The following ADAMTS20 variants were observed in gnomAD, a reference collection of about 807,000 sequenced individuals.
The protein encoded by ADAMTS20 is ADAM metallopeptidase with thrombospondin type 1 motif 20, also known as A disintegrin and metalloproteinase with thrombospondin motifs 20.
In ADAMTS20, 225 loss-of-function variants were observed where a neutral mutation model predicts 260.1. That is an observed-to-expected ratio of 0.87 (90% confidence interval 0.78 to 0.97). The LOEUF (loss-of-function observed/expected upper bound fraction) is 0.97, where lower values mean the gene tolerates loss of function less well. Ranked by LOEUF, ADAMTS20 falls within the 50% of genes least tolerant of loss-of-function variation. The pLI, the probability that ADAMTS20 is intolerant of heterozygous loss-of-function variation, is 0.00. For synonymous variants in ADAMTS20, 802 were observed against 769.5 expected, an observed-to-expected ratio of 1.04 and a Z score of -0.70; for missense variants, 2,400 against 2,337.7, an observed-to-expected ratio of 1.03 and a Z score of -0.55.
Position 43,434,253 on chromosome 12 carries a change from A to G in ADAMTS20, c.2712T>C (p.Cys904=), listed in dbSNP as rs769230661. ...SFVTQSCNTD[C]ELRWHVIGKS... is the part of the protein sequence containing the mutation. ...TATTATTTCTCTTTTACCTTAGTTCACAGTCTGTATTGCAACTTTGAGTAA... is the reference window on the plus strand; with the variant it reads ...TATTATTTCTCTTTTACCTTAGTTCGCAGTCTGTATTGCAACTTTGAGTAA... The change falls in exon 19 of 39, where the codon TGT becomes TGC. Residue 904 remains cysteine (C), a synonymous_variant. Coordinates refer to ENST00000389420, the MANE Select transcript of ADAMTS20 (RefSeq NM_025003.5). The G allele has an allele frequency of 7.0e-6, 11 of 1,579,640 alleles. No individual in the cohort carries two copies. Among genetic ancestry groups the G allele is most frequent in the Non-Finnish European group, 9.5e-6 (11 of 1,160,792 alleles).
intron 3 of ADAMTS20, among the ~76,000 whole-genome samples, chr12:43,513,235 T>A (rs552743361): frequency 6.6e-6 from 1 of 152,112 alleles, no homozygotes; most frequent in Non-Finnish European, 1.5e-5. Context: ...AACAAGACAA[T>A]GGAGCACACT....
chr12:43,447,504 G>T (rs568948695), intron 14 of ADAMTS20, among the ~76,000 whole-genome samples: 1 of 152,158 alleles, frequency 6.6e-6, no homozygotes, highest in East Asian at 1.9e-4. Context: ...AAAATAATCA[G>T]AGCGATCTAT....
At chr12:43,520,828 A>G (rs1351401254) in intron 3 of ADAMTS20, among the ~76,000 whole-genome samples, 1 of 152,202 alleles carries the variant, frequency 6.6e-6, no homozygotes, top group East Asian at 1.9e-4. Flanking sequence ...CACATTTATA[A>G]AATGTTATAA....
At chr12:43,478,686 A>G (rs1032046891) in intron 7 of ADAMTS20, among the ~76,000 whole-genome samples, 4 of 152,226 alleles carry the variant, frequency 2.6e-5, no homozygotes, top group African/African-American at 9.6e-5. Flanking sequence ...CTCAATAGCA[A>G]AAGGCAGGCA....
intron 28 of ADAMTS20, among the ~76,000 whole-genome samples, chr12:43,415,500 A>G (rs994440787): frequency 2.0e-5 from 3 of 152,214 alleles, no homozygotes; most frequent in Non-Finnish European, 1.5e-5. Context: ...GAAAAATAAT[A>G]TATACTTACT....
At chr12:43,366,174 G>T (rs945945647) in intron 37 of ADAMTS20, among the ~76,000 whole-genome samples, 2 of 151,880 alleles carry the variant, frequency 1.3e-5, no homozygotes, top group Admixed American at 1.3e-4. Context: ...AATTCTAACA[G>T]AGCTGGAGTG....
intron 7 of ADAMTS20, among the ~76,000 whole-genome samples, chr12:43,483,573 C>G (rs1208240761): frequency 3.3e-5 from 5 of 152,278 alleles, no homozygotes; most frequent in African/African-American, 1.2e-4. Flanking sequence ...AGAGTCACAA[C>G]CCCTCTCTAA....
At chr12:43,375,087 G>A (rs758766835) in intron 36 of ADAMTS20, among the ~76,000 whole-genome samples, 18 of 147,594 alleles carry the variant, frequency 1.2e-4, no homozygotes, top group African/African-American at 2.2e-4. Flanking sequence ...CAGGAGAATC[G>A]CTTGAACCCA....
At chr12:43,500,978 A>G (rs531015727) in intron 4 of ADAMTS20, among the ~76,000 whole-genome samples, 1 of 151,470 alleles carries the variant, frequency 6.6e-6, no homozygotes, top group East Asian at 2.0e-4. Flanking sequence ...TGAATTCCCT[A>G]TATGTGAATA....
Position 43,432,831 on chromosome 12 carries a change from A to G in ADAMTS20, c.2721-20T>C, listed in dbSNP as rs1941476296. 9 of 1,575,190 alleles carry G rather than the reference A, an allele frequency of 5.7e-6. No homozygotes were observed. Among genetic ancestry groups the G allele is most frequent in the African/African-American group, 1.4e-5 (1 of 74,042 alleles). On this transcript the variant is annotated intron_variant, in intron 19 of 38. Transcript: ENST00000389420. ...TGCCACCTTGAAAAAAGATGTTACT[A>G]TACTTAGGAGGTATATTACATAATT...
intron 36 of ADAMTS20, among the ~76,000 whole-genome samples, chr12:43,374,117 AC>A (rs1357090805): frequency 6.6e-6 from 1 of 152,208 alleles, no homozygotes; most frequent in Non-Finnish European, 1.5e-5. Flanking sequence ...GCCCAAAGTC[AC>A]AGAGCTGATA....
chr12:43,501,058 T>TTTTTC (rs1395201732), intron 4 of ADAMTS20, among the ~76,000 whole-genome samples: 1 of 90,830 alleles, frequency 1.1e-5, no homozygotes, highest in Non-Finnish European at 2.3e-5. Context: ...TGTAATTCTT[T>TTTTTC]TTTTTTTTTT....
chr12:43,482,785 A>T (rs1942461526), intron 7 of ADAMTS20, among the ~76,000 whole-genome samples: 1 of 152,182 alleles, frequency 6.6e-6, no homozygotes, highest in Non-Finnish European at 1.5e-5. Flanking sequence ...GGGTAACATA[A>T]GGCAAGCACA....
intron 7 of ADAMTS20, among the ~76,000 whole-genome samples, chr12:43,473,993 A>T (rs1348821651): frequency 6.7e-6 from 1 of 148,570 alleles, no homozygotes; most frequent in Non-Finnish European, 1.5e-5. Context: ...AAATCAGAGC[A>T]GAACTGAAGG....
At position 43,454,040 on chromosome 12, in the gene ADAMTS20, C is replaced by T; in HGVS notation, c.1627G>A (p.Gly543Arg). The change falls in exon 12 of 39, where the codon GGG (glycine) becomes AGG (arginine). Residue 543 changes from glycine to arginine, a missense_variant. Coordinates refer to ENST00000389420, the MANE Select transcript of ADAMTS20 (RefSeq NM_025003.5). ...TCCGTTTCTTTGTTTACACATAGCC[C>T]ATGACGGCAATGCTATAAAAATAAT... Reference protein sequence around the residue: ...DCGPGMHCRHGLCVNKETETR... With the variant: ...DCGPGMHCRHRLCVNKETETR... 6.2e-7 allele frequency: 1 copy of T among 1,612,662 alleles called. No homozygotes were observed. The highest frequency in any genetic ancestry group is 8.5e-7 in the Non-Finnish European group (1 of 1,179,480).
rs1431325486 is a variant in ADAMTS20, at chr12:43,377,465, A to G, written c.4895T>C (p.Ile1632Thr). Residue 1632 changes from isoleucine to threonine, a missense_variant, in exon 32 of 39, where the codon ATA (isoleucine) becomes ACA (threonine). Coordinates refer to ENST00000389420, the MANE Select transcript of ADAMTS20 (RefSeq NM_025003.5). ...CACCACAGGGCATTCTTGATAAACT[A>G]TAGGCCGAAGTCGATGGAGCTTATG... ...KKHKLHRLRPIVYQECPVVPS... is the reference protein window; with the variant it reads ...KKHKLHRLRPTVYQECPVVPS... The G allele has an allele frequency of 7.4e-6, 12 of 1,613,684 alleles. No homozygotes were observed. In the African/African-American group the frequency reaches 1.2e-4, roughly 16 times the overall value.
intron 5 of ADAMTS20, 116 bp from the exon 6 acceptor site, chr12:43,492,745 G>T: frequency 6.0e-6 from 7 of 1,159,628 alleles, no homozygotes; most frequent in Non-Finnish European, 8.6e-6. Flanking sequence ...GAATGAAGGA[G>T]TGACAGCATC....
At chr12:43,383,753 T>C in intron 30 of ADAMTS20, 25 bp from the exon 31 acceptor site, 1 of 1,613,644 alleles carries the variant, frequency 6.2e-7, no homozygotes, top group Non-Finnish European at 8.5e-7. Flanking sequence ...ACCAAATGAA[T>C]AACACATTCT....
chr12:43,477,028 A>G (rs1204086673), intron 7 of ADAMTS20, among the ~76,000 whole-genome samples: 1 of 149,526 alleles, frequency 6.7e-6, no homozygotes, highest in African/African-American at 2.5e-5. Flanking sequence ...ATGATACAAG[A>G]TGATTTAAAT....
Sources: gnomAD v4.1 joint callset for allele counts (sites outside exome capture counted in the v4.1 genomes callset) on GRCh38, gnomAD v4.1.1 for gene constraint, MANE v1.5 for transcripts, NCBI Gene and HGNC (gene_info 2026-07-23, HGNC 2026-07-21) for gene names.